NAV3: variants seen among roughly 807,000 people sequenced by gnomAD.
NAV3 encodes neuron navigator 3, also known as pore membrane and/or filament interacting like protein 1.
NAV3 carries 87 observed loss-of-function variants against 244.7 expected under a neutral mutation model. The observed-to-expected ratio is 0.36, with a 90% confidence interval of 0.30 to 0.42. The LOEUF (loss-of-function observed/expected upper bound fraction) is 0.42. Ranked by LOEUF, NAV3 falls within the 20% of genes least tolerant of loss-of-function variation. The probability of loss-of-function intolerance (pLI) is 1.00; values close to 1 mark genes in which losing one functional copy is unlikely to be tolerated. For synonymous variants in NAV3, 1,126 were observed against 1,042.2 expected, an observed-to-expected ratio of 1.08 and a Z score of -1.55; for missense variants, 2,663 against 2,893.3, an observed-to-expected ratio of 0.92 and a Z score of 1.83.
rs147621001 is a variant in NAV3, at chr12:77,865,076, A to G, written c.243+33372A>G. On this transcript the variant is annotated intron_variant, in intron 1 of 39. Coordinates refer to ENST00000397909, the MANE Select transcript of NAV3 (RefSeq NM_001024383.2). ...ACCTTGTAAGATCTATGAGAAAAGC[A>G]TTTGTATTGGCAATAAATGAGGAAT... 3.8e-3 allele frequency among the ~76,000 whole-genome samples: 581 copies of G among 152,192 alleles called. 2 individuals are homozygous for G. The highest frequency in any genetic ancestry group is 0.013 in the African/African-American group (539 of 41,578).
chr12:78,000,852 C>G (rs1007364927), intron 7 of NAV3, among the ~76,000 whole-genome samples: 8 of 150,636 alleles, frequency 5.3e-5, no homozygotes, highest in African/African-American at 1.9e-4. Context: ...GTGGCGGGCG[C>G]CTGTAGTCCC....
intron 2 of NAV3, among the ~76,000 whole-genome samples, chr12:77,799,674 G>T (rs1471845578): frequency 2.0e-5 from 3 of 152,000 alleles, no homozygotes; most frequent in Non-Finnish European, 4.4e-5. Context: ...ATTGGAAAAT[G>T]AAATACCAAG....
chr12:77,851,684 A>G (rs1003395789), intron 1 of NAV3, among the ~76,000 whole-genome samples: 1 of 152,186 alleles, frequency 6.6e-6, no homozygotes, highest in African/African-American at 2.4e-5. Flanking sequence ...TCAAAAATGC[A>G]TACTCCTTCC....
intron 2 of NAV3, among the ~76,000 whole-genome samples, chr12:77,703,158 A>G (rs572293741): frequency 6.6e-6 from 1 of 152,158 alleles, no homozygotes; most frequent in Non-Finnish European, 1.5e-5. Flanking sequence ...TTTATCTCAG[A>G]GTTTTCTCAG....
At chr12:77,706,621 A>G (rs1252374073) in intron 2 of NAV3, among the ~76,000 whole-genome samples, 1 of 151,204 alleles carries the variant, frequency 6.6e-6, no homozygotes, top group East Asian at 1.9e-4. Flanking sequence ...CCGGTAATCC[A>G]GCACTTTGGG....
intron 22 of NAV3, among the ~76,000 whole-genome samples, chr12:78,152,329 A>C (rs966247275): frequency 2.0e-5 from 3 of 151,796 alleles, no homozygotes; most frequent in African/African-American, 7.2e-5. Flanking sequence ...ATGTATATAA[A>C]TGACTATTAA....
chr12:77,874,570 T>A (rs962467380), intron 1 of NAV3, among the ~76,000 whole-genome samples: 2 of 152,046 alleles, frequency 1.3e-5, no homozygotes, highest in African/African-American at 4.8e-5. Context: ...CTAAACTTAC[T>A]TGCATTGCTT....
intron 30 of NAV3, among the ~76,000 whole-genome samples, chr12:78,183,420 C>T (rs1336822731): frequency 6.6e-6 from 1 of 151,874 alleles, no homozygotes; most frequent in African/African-American, 2.4e-5. Context: ...CTCAATAACT[C>T]TACCAGGAAG....
At chr12:77,654,784 G>A (rs1473112396) in intron 2 of NAV3, among the ~76,000 whole-genome samples, 1 of 143,670 alleles carries the variant, frequency 7.0e-6, no homozygotes, top group Admixed American at 6.8e-5. Flanking sequence ...TCAGACAGCA[G>A]CATATTCGCG....
chr12:78,163,441 A>T (rs940347101), intron 23 of NAV3, among the ~76,000 whole-genome samples: 5 of 152,050 alleles, frequency 3.3e-5, no homozygotes, highest in Non-Finnish European at 5.9e-5. Flanking sequence ...GTACAATGTC[A>T]TGTGCATTCT....
chr12:77,827,414 G>A (rs993577982), upstream of NAV3, among the ~76,000 whole-genome samples: 4 of 151,900 alleles, frequency 2.6e-5, no homozygotes, highest in African/African-American at 9.7e-5. Context: ...CATTTTATGA[G>A]ATTTTATTAC....
At chr12:77,780,644 C>T (rs1463503337) in intron 2 of NAV3, among the ~76,000 whole-genome samples, 2 of 152,142 alleles carry the variant, frequency 1.3e-5, no homozygotes, top group Non-Finnish European at 2.9e-5. Context: ...GGGTCCCCAA[C>T]CCCCAACAGG....
chr12:77,922,857 C>G (rs1482933180), intron 1 of NAV3, among the ~76,000 whole-genome samples: 2 of 151,956 alleles, frequency 1.3e-5, no homozygotes, highest in South Asian at 2.1e-4. Flanking sequence ...ATATATTAAT[C>G]CAGAACATTT....
At chr12:77,798,405 C>T (rs888990095) in intron 2 of NAV3, among the ~76,000 whole-genome samples, 1 of 151,936 alleles carries the variant, frequency 6.6e-6, no homozygotes, top group African/African-American at 2.4e-5. Context: ...TATAATTTTA[C>T]ACTTATAAAC....
intron 2 of NAV3, among the ~76,000 whole-genome samples, chr12:77,687,183 CTG>C (rs1874793817): frequency 1.3e-5 from 2 of 152,212 alleles, no homozygotes; most frequent in African/African-American, 4.8e-5. Context: ...GCCCGGAAAA[CTG>C]TGAGTGGCTG....
At chr12:77,942,381 A>G (rs1215490494) in intron 3 of NAV3, among the ~76,000 whole-genome samples, 4 of 151,846 alleles carry the variant, frequency 2.6e-5, no homozygotes, top group Non-Finnish European at 4.4e-5. Flanking sequence ...TCGAAAAAAT[A>G]AATAAATAAA....
At chr12:78,055,691 C>T (rs1593412985) in intron 11 of NAV3, among the ~76,000 whole-genome samples, 2 of 152,100 alleles carry the variant, frequency 1.3e-5, no homozygotes, top group East Asian at 1.9e-4. Flanking sequence ...GGGGAAGACC[C>T]AGGGTGTGAG....
chr12:77,809,251 G>T (rs1872160285), intron 2 of NAV3, among the ~76,000 whole-genome samples: 1 of 152,222 alleles, frequency 6.6e-6, no homozygotes, highest in South Asian at 2.1e-4. Context: ...CTCGGCGTCT[G>T]CCCAAACAGC....
intron 9 of NAV3, among the ~76,000 whole-genome samples, chr12:78,044,297 T>C (rs750538597): frequency 6.6e-6 from 1 of 152,172 alleles, no homozygotes; most frequent in Non-Finnish European, 1.5e-5. Flanking sequence ...TATATATCTG[T>C]TTTGGTACCA....
Sources: allele counts gnomAD v4.1 joint callset (sites outside exome capture counted in the v4.1 genomes callset), GRCh38; gene constraint gnomAD v4.1.1; transcripts MANE v1.5; gene names NCBI Gene and HGNC (gene_info 2026-07-23, HGNC 2026-07-21).